Variants in DCST2 observed in about 807,000 individuals in gnomAD.
DCST2 encodes DC-STAMP domain containing 2.
Under a neutral mutation model 81.8 loss-of-function variants are expected in DCST2, and 64 were observed. The ratio of observed to expected loss-of-function variants is 0.78; its 90% CI spans 0.64 to 0.96. The LOEUF is 0.96. Among genes scored for constraint, DCST2 ranks in the 40% least tolerant of loss-of-function variants. DCST2 has a pLI of 0.00. For missense variants in DCST2, 945 were observed against 1,001.4 expected, an observed-to-expected ratio of 0.94 and a Z score of 0.76; for synonymous variants, 354 against 402.6, an observed-to-expected ratio of 0.88 and a Z score of 1.44.
At chr1:155,023,019 C>G (rs1297194154) in intron 14 of DCST2, 98 bp downstream of exon 14, 2 of 1,513,348 alleles carry the variant, frequency 1.3e-6, no homozygotes, top group East Asian at 4.5e-5. Context: ...GTTTCAAGCC[C>G]TGGCAAAGGT....
intron 14 of DCST2, among the ~76,000 whole-genome samples, chr1:155,019,382 G>A (rs1257503870): frequency 3.3e-5 from 5 of 152,158 alleles, no homozygotes; most frequent in Non-Finnish European, 5.9e-5. Context: ...CTGCAACCTC[G>A]TCGCTAGAGG....
At position 155,033,598 on chromosome 1, in the gene DCST2, G is replaced by C. The variant is rs754944240; in HGVS notation, c.104C>G (p.Ser35Cys). 1.9e-6 allele frequency: 3 copies of C among 1,614,062 alleles called. No individual in the cohort carries two copies. The African/African-American group carries it at 4.0e-5, about 22-fold the overall frequency. ...CAGAAGCCCGTAGGCCGTGGCTAAA[G>C]ACAAGCCCAGGGTAAAACCTCCCAC... ...RSVGGFTLGL[S>C]LATAYGLLEL... Residue 35 changes from serine (S) to cysteine (C), a missense_variant, in exon 1 of 15, where the codon TCT (serine) becomes TGT (cysteine). By Grantham distance (112) the Ser-to-Cys change is moderately radical. Coordinates refer to ENST00000368424, the MANE Select transcript of DCST2 (RefSeq NM_144622.3).
intron 14 of DCST2, among the ~76,000 whole-genome samples, chr1:155,020,247 CTCTCTT>C (rs765488818): frequency 6.6e-6 from 1 of 152,194 alleles, no homozygotes; most frequent in Non-Finnish European, 1.5e-5. Flanking sequence ...GAAGCTAACT[CTCTCTT>C]TCTCTTCACC....
chr1:155,030,671 C>G, intron 5 of DCST2, 26 bp from the exon 6 acceptor site: 1 of 1,612,512 alleles, frequency 6.2e-7, no homozygotes. Context: ...TCAGGGGAGA[C>G]GTGGGCAAGG....
At chr1:155,026,519 C>T (rs1197866780) in intron 9 of DCST2, 29 bp downstream of exon 9, 5 of 1,613,380 alleles carry the variant, frequency 3.1e-6, no homozygotes, top group Admixed American at 3.3e-5. Context: ...GTGTCCACGC[C>T]CCCAGGGACC....
chr1:155,023,501 A>T, intron 12 of DCST2, 44 bp from the exon 13 acceptor site: 1 of 1,553,178 alleles, frequency 6.4e-7, no homozygotes, highest in South Asian at 1.2e-5. Context: ...GAGTTCACCC[A>T]CCCACCCTCT....
chr1:155,032,751 T>C lies in DCST2; in HGVS notation c.457A>G (p.Lys153Glu), dbSNP rs1432692902. 1 of 1,614,184 alleles carries C rather than the reference T, an allele frequency of 6.2e-7. No homozygotes were observed. Reference protein sequence around the residue: ...QPLVSALNKIKAIARKTKEVA... With the variant: ...QPLVSALNKIEAIARKTKEVA... ...TCTTTGGTCTTCCGGGCAATAGCTT[T>C]AATCTTGTTCAGGGCACCTGATGGG... is the stretch of plus-strand genomic sequence containing the variant. Residue 153 changes from lysine (K) to glutamate (E), a missense_variant, in exon 3 of 15, where the codon AAA becomes GAA. Physicochemically the swap from Lys to Glu is moderately conservative, Grantham distance 56 (BLOSUM62 1). Coordinates refer to ENST00000368424, the MANE Select transcript of DCST2 (RefSeq NM_144622.3).
At chr1:155,031,278 C>T (rs1226997432) in intron 4 of DCST2, 44 bp from the exon 5 acceptor site, 11 of 1,531,838 alleles carry the variant, frequency 7.2e-6, no homozygotes, top group Non-Finnish European at 9.7e-6. Flanking sequence ...GGGGCACAGC[C>T]AGGCCTGCCC....
Position 155,023,471 on chromosome 1 carries a change from T to A in DCST2, c.1871-14A>T. ...GGCAGTAGAGACCTGGTGGAGGCCA[T>A]GGGGAATGGAGGTGAACCCGAGTTC... On this transcript the variant is annotated splice_polypyrimidine_tract_variant and intron_variant, in intron 12 of 14. Transcript: ENST00000368424. The A allele has an allele frequency of 2.5e-6, 4 of 1,577,520 alleles. No individual in the cohort carries two copies. The highest frequency in any genetic ancestry group is 3.4e-6 in the Non-Finnish European group (4 of 1,161,342).
intron 12 of DCST2, 179 bp from the exon 13 acceptor site, chr1:155,023,636 C>T (rs781644440): frequency 7.1e-6 from 11 of 1,548,156 alleles, no homozygotes; most frequent in African/African-American, 2.7e-5. Context: ...CATAAATACC[C>T]GGGAGAATAA....
Position 155,029,295 on chromosome 1 carries a change from T to C in DCST2, c.1280A>G (p.Tyr427Cys), listed in dbSNP as rs774255936. ...CAGGTCAAGCACCCAGAAGACAGCA[T>C]AGTCTAGGAAGACTAGGAACAGCAC... Reference protein sequence around the residue: ...LLVLFLVFLDYAVFWVLDLAR... With the variant: ...LLVLFLVFLDCAVFWVLDLAR... Residue 427 changes from tyrosine to cysteine, a missense_variant, in exon 8 of 15, where the codon TAT becomes TGT. Coordinates refer to ENST00000368424, the MANE Select transcript of DCST2 (RefSeq NM_144622.3). The C allele has an allele frequency of 9.3e-6, 15 of 1,614,084 alleles. No individual in the cohort carries two copies. The highest frequency in any genetic ancestry group is 2.2e-5 in the East Asian group (1 of 44,882).
intron 12 of DCST2, 150 bp from the exon 13 acceptor site, chr1:155,023,607 C>T (rs1213917268): frequency 6.5e-7 from 1 of 1,546,426 alleles, no homozygotes; most frequent in Non-Finnish European, 8.7e-7. Flanking sequence ...TGCAATGCCA[C>T]TTGCATATAA....
chr1:155,023,544 A>G (rs1042996053), intron 12 of DCST2, 87 bp from the exon 13 acceptor site: 1 of 1,548,910 alleles, frequency 6.5e-7, no homozygotes, highest in Non-Finnish European at 8.7e-7. Context: ...TGCCTCCCCT[A>G]TCACAGACCT....
At position 155,033,623 on chromosome 1, in the gene DCST2, C is replaced by G; in HGVS notation, c.79G>C (p.Val27Leu). The change falls in exon 1 of 15, where the codon GTG (valine) becomes CTG (leucine). Residue 27 changes from valine (V) to leucine (L), a missense_variant. By Grantham distance (32) the Val-to-Leu change is conservative. Coordinates refer to ENST00000368424, the MANE Select transcript of DCST2 (RefSeq NM_144622.3). Reference protein sequence around the residue: ...PSMARAVVRSVGGFTLGLSLA... With the variant: ...PSMARAVVRSLGGFTLGLSLA... ...GACAAGCCCAGGGTAAAACCTCCCA[C>G]GCTGCGAACCACAGCTCTCGCCATG... 1.9e-6 allele frequency: 3 copies of G among 1,614,192 alleles called. No individual in the cohort carries two copies. Among genetic ancestry groups the G allele is most frequent in the Middle Eastern group, 1.6e-4 (1 of 6,062 alleles).
rs1218209999 is a variant in DCST2 at position 155,023,865 on chromosome 1, T to A, written c.1837A>T (p.Asn613Tyr). The change falls in exon 12 of 15, where the codon AAC (asparagine) becomes TAC (tyrosine). Residue 613 changes from asparagine to tyrosine, a missense_variant. By Grantham distance (143) the Asn-to-Tyr change is moderately radical. Coordinates refer to ENST00000368424, the MANE Select transcript of DCST2 (RefSeq NM_144622.3). ...GQPQDEGDME[N>Y]TVSCSTPGCQ... ...CCGGGGGTACTGCAGGACACAGTGT[T>A]CTCCATGTCTCCCTCATCCTGGGGC... 6.2e-7 allele frequency: 1 copy of A among 1,613,614 alleles called. No individual in the cohort carries two copies. Among genetic ancestry groups the A allele is most frequent in the Non-Finnish European group, 8.5e-7 (1 of 1,179,922 alleles).
intron 2 of DCST2, 124 bp downstream of exon 2, chr1:155,032,970 C>T (rs1660144403): frequency 2.5e-6 from 3 of 1,195,476 alleles, no homozygotes; most frequent in South Asian, 3.2e-5. Flanking sequence ...CCCAGAGTCC[C>T]TTCCAGGCCC....
Position 155,033,194 on chromosome 1 carries a change from TAG to T in DCST2, c.337_338del (p.Leu113ThrfsTer40), listed in dbSNP as rs1660155021. On this transcript the variant is annotated frameshift_variant, in exon 2 of 15. Coordinates refer to ENST00000368424, the MANE Select transcript of DCST2 (RefSeq NM_144622.3). LOFTEE classifies it high-confidence loss of function. The stretch of plus-strand genomic sequence containing the variant: ...CCTCGCTGGCCCGGGTGAAGTTGCG[TAG>T]AGTGTTGGCACAAGGCCCTTGAAGC... ...LVLQGPCANT[L>X]RNFTRASEAV... 5 of 1,613,734 alleles carry T rather than the reference TAG, an allele frequency of 3.1e-6. No homozygotes were observed. Among genetic ancestry groups the T allele is most frequent in the South Asian group, 2.2e-5 (2 of 91,042 alleles).
At chr1:155,031,824 T>TG in intron 3 of DCST2, 53 bp from the exon 4 acceptor site, 2 of 1,575,094 alleles carry the variant, frequency 1.3e-6, no homozygotes, top group Non-Finnish European at 1.7e-6. Context: ...CAGCCTCTTC[T>TG]CAGGGTTTTG....
chr1:155,032,029 T>C (rs576199019), intron 3 of DCST2, among the ~76,000 whole-genome samples: 49 of 152,320 alleles, frequency 3.2e-4, no homozygotes, highest in African/African-American at 1.2e-3. Flanking sequence ...GTTTCGCTCT[T>C]GTTGCCCAGG....
Sources: gnomAD v4.1 joint callset for allele counts (sites outside exome capture counted in the v4.1 genomes callset) on GRCh38, gnomAD v4.1.1 for gene constraint, MANE v1.5 for transcripts, NCBI Gene and HGNC (gene_info 2026-07-23, HGNC 2026-07-21) for gene names.